ZNF609: variants seen among roughly 807,000 people sequenced by gnomAD.
ZNF609 encodes the protein zinc finger protein 609.
ZNF609 carries 11 observed loss-of-function variants against 109.5 expected under a neutral mutation model. That is an observed-to-expected ratio of 0.10 (90% CI 0.06 to 0.17). The LOEUF is 0.17. Among genes scored for constraint, ZNF609 ranks in the 10% least tolerant of loss-of-function variants. The probability of loss-of-function intolerance (pLI) is 1.00; values close to 1 mark genes in which losing one functional copy is unlikely to be tolerated. For synonymous variants in ZNF609, 646 were observed against 662.0 expected, an observed-to-expected ratio of 0.98 and a Z score of 0.37; for missense variants, 1,559 against 1,772.4, an observed-to-expected ratio of 0.88 and a Z score of 2.16.
Position 64,684,669 on chromosome 15 carries a change from C to G in ZNF609, c.*2983C>G, listed in dbSNP as rs1204986599. 4 of 152,558 alleles carry G rather than the reference C, an allele frequency of 2.6e-5. No homozygotes were observed. The highest frequency in any genetic ancestry group is 5.9e-5 in the Non-Finnish European group (4 of 68,038). The allele number at this position is 152,558 out of a possible 1,614,324, so 9.5% of individuals were successfully genotyped here. A position where few individuals can be genotyped will look rare whatever the true frequency, so the allele number is the denominator to read the frequency against. ...TGGTGATTTCTTGAGTCTCTTTTTT[C>G]CACGTTTAAGGGGCCATGGCAGGAC... On this transcript the variant is annotated 3_prime_UTR_variant, in exon 10 of 10. Transcript: ENST00000326648.
At chr15:64,525,370 G>T (rs1486844385) in intron 2 of ZNF609, among the ~76,000 whole-genome samples, 1 of 152,104 alleles carries the variant, frequency 6.6e-6, no homozygotes, top group Admixed American at 6.6e-5. Context: ...TGACACCCTT[G>T]TTGAAAATTA....
At chr15:64,536,916 GAAAAAAAAAA>G (rs60594462) in intron 2 of ZNF609, among the ~76,000 whole-genome samples, 34 of 55,402 alleles carry the variant, frequency 6.1e-4, no homozygotes, top group Non-Finnish European at 9.4e-4. Flanking sequence ...TCTCAAAAAA[GAAAAAAAAAA>G]AAAAAAAAAA....
At chr15:64,631,705 TA>T (rs779144922) in intron 3 of ZNF609, 4 of 220,206 alleles carry the variant, frequency 1.8e-5, no homozygotes, top group South Asian at 6.2e-5. Flanking sequence ...GCTAATTTTG[TA>T]TTTTTTTTTT....
chr15:64,592,205 A>G (rs1254209650), intron 2 of ZNF609, among the ~76,000 whole-genome samples: 1 of 152,140 alleles, frequency 6.6e-6, no homozygotes, highest in East Asian at 1.9e-4. Context: ...AGCCTTGTTT[A>G]TACAAGTGAA....
chr15:64,469,427 CAAAA>C (rs34210041), intron 1 of ZNF609, among the ~76,000 whole-genome samples: 1,058 of 73,602 alleles, frequency 0.014, 4 homozygotes, highest in African/African-American at 0.044. Flanking sequence ...ACCCTATTTC[CAAAA>C]AAAAAAAAAA....
chr15:64,469,109 C>T (rs1893057539), intron 1 of ZNF609, among the ~76,000 whole-genome samples: 1 of 134,620 alleles, frequency 7.4e-6, no homozygotes, highest in Non-Finnish European at 1.6e-5. Flanking sequence ...ACTAAAAGTA[C>T]AAAATTAGCC....
chr15:64,467,904 C>T (rs1450190294), intron 1 of ZNF609, among the ~76,000 whole-genome samples: 5 of 152,014 alleles, frequency 3.3e-5, no homozygotes, highest in Non-Finnish European at 5.9e-5. Flanking sequence ...AATGTTGCTT[C>T]TTCTGTTCTA....
intron 1 of ZNF609, among the ~76,000 whole-genome samples, chr15:64,469,626 G>A (rs997311341): frequency 6.6e-6 from 1 of 151,844 alleles, no homozygotes; most frequent in African/African-American, 2.4e-5. Flanking sequence ...ACTTTTATTA[G>A]GCCATCTTTT....
intron 2 of ZNF609, among the ~76,000 whole-genome samples, chr15:64,545,967 G>T (rs1858308450): frequency 6.6e-6 from 1 of 152,098 alleles, no homozygotes; most frequent in Admixed American, 6.6e-5. Flanking sequence ...GAACATTCAT[G>T]TACACAAAGT....
At chr15:64,501,903 C>G (rs1163235629) in intron 2 of ZNF609, 4 of 152,176 alleles carry the variant, frequency 2.6e-5, no homozygotes, top group African/African-American at 9.7e-5. Context: ...AAATGGAACC[C>G]ATTTTCTCAC....
At chr15:64,550,235 A>G (rs1047136117) in intron 2 of ZNF609, among the ~76,000 whole-genome samples, 1 of 152,080 alleles carries the variant, frequency 6.6e-6, no homozygotes, top group African/African-American at 2.4e-5. Context: ...GATTACAGGC[A>G]TGAGCTGCTG....
In ZNF609 at chr15:64,675,238, T is replaced by C; in HGVS notation, c.2384T>C (p.Ile795Thr). The stretch of plus-strand genomic sequence containing the variant: ...AGCATCAAGGCTGAAGCCGACAAGA[T>C]CTACAGTTTCACGGACAATGCCCCC... ...LASIKAEADKIYSFTDNAPSP... is the reference protein window; with the variant it reads ...LASIKAEADKTYSFTDNAPSP... Residue 795 changes from isoleucine to threonine, a missense_variant, in exon 5 of 10, where the codon ATC (isoleucine) becomes ACC (threonine). Physicochemically the swap from Ile to Thr is moderately conservative, Grantham distance 89. Transcript: ENST00000326648. 1 of 1,613,884 alleles carries C rather than the reference T, an allele frequency of 6.2e-7. No homozygotes were observed. The highest frequency in any genetic ancestry group is 2.2e-5 in the East Asian group (1 of 44,874).
intron 3 of ZNF609, among the ~76,000 whole-genome samples, chr15:64,635,731 C>G (rs530856225): frequency 1.4e-4 from 22 of 152,298 alleles, no homozygotes; most frequent in African/African-American, 4.8e-4. Context: ...TGGCAACTAG[C>G]CTTTTCTCCC....
intron 1 of ZNF609, among the ~76,000 whole-genome samples, chr15:64,472,440 C>T (rs1395091258): frequency 6.6e-6 from 1 of 152,216 alleles, no homozygotes; most frequent in Admixed American, 6.5e-5. Flanking sequence ...GCAGTGTCTG[C>T]TCTATCCTGT....
chr15:64,596,727 A>G (rs190416724), intron 2 of ZNF609, among the ~76,000 whole-genome samples: 12 of 152,350 alleles, frequency 7.9e-5, no homozygotes, highest in African/African-American at 2.9e-4. Flanking sequence ...CTCAGTGTGT[A>G]TAGCATAGGA....
chr15:64,637,984 G>A (rs1405340981), intron 3 of ZNF609, among the ~76,000 whole-genome samples: 6 of 125,362 alleles, frequency 4.8e-5, no homozygotes, highest in African/African-American at 1.7e-4. Context: ...TTTTTTCTGA[G>A]AACCTTGTTT....
In ZNF609 at chr15:64,557,187, CTTCT is replaced by C. The variant is rs1049684759; in HGVS notation, c.747+57024_747+57027del. 7.2e-4 allele frequency among the ~76,000 whole-genome samples: 33 copies of C among 45,902 alleles called. No homozygotes were observed. The Admixed American group carries it at 9.5e-3, about 13-fold the overall frequency. 30.1% of individuals were successfully genotyped at this position (45,902 alleles called of 152,430 possible). Reference sequence around the variant, plus strand: ...TGAAATGTAATTCTTTTTTCTTATTCTTCTTTTTTTTTTTTTTGACAACTTCTGA... The same window carrying C: ...TGAAATGTAATTCTTTTTTCTTATTCTTTTTTTTTTTTTGACAACTTCTGA... On this transcript the variant is annotated intron_variant, in intron 2 of 9. Coordinates refer to ENST00000326648, the MANE Select transcript of ZNF609 (RefSeq NM_015042.2).
chr15:64,511,022 A>G (rs1474466403), intron 2 of ZNF609, among the ~76,000 whole-genome samples: 2 of 151,548 alleles, frequency 1.3e-5, no homozygotes, highest in African/African-American at 2.4e-5. Flanking sequence ...TTCATTTTAA[A>G]AAGTTTTTAT....
At chr15:64,550,574 C>G (rs139483366) in intron 2 of ZNF609, among the ~76,000 whole-genome samples, 37 of 151,854 alleles carry the variant, frequency 2.4e-4, no homozygotes, top group African/African-American at 8.9e-4. Context: ...TGACCAGGCA[C>G]AGTGACTCAT....
Sources: gnomAD v4.1 joint callset for allele counts (sites outside exome capture counted in the v4.1 genomes callset) on GRCh38, gnomAD v4.1.1 for gene constraint, MANE v1.5 for transcripts, NCBI Gene and HGNC (gene_info 2026-07-23, HGNC 2026-07-21) for gene names.